Variants in PHEX observed in about 807,000 individuals in gnomAD.
The protein encoded by PHEX is phosphate-regulating neutral endopeptidase PHEX.
PHEX carries 16 observed loss-of-function variants against 68.0 expected under a neutral mutation model. The observed-to-expected ratio is 0.24, with a 90% CI of 0.16 to 0.36. PHEX has a LOEUF of 0.36. Among genes scored for constraint, PHEX ranks in the 10% least tolerant of loss-of-function variants. The pLI is 1.00. For missense variants in PHEX, 480 were observed against 575.5 expected (o/e 0.83, Z 1.70); for synonymous variants, 208 against 205.1 (o/e 1.01, Z -0.12).
chrX:22,197,488 A>C (rs967460213), intron 15 of PHEX, among the ~76,000 whole-genome samples: 2 of 111,168 alleles, frequency 1.8e-5, no homozygotes, highest in Non-Finnish European at 3.8e-5. Context: ...GCTCACACAG[A>C]GATCCACATG....
chrX:22,047,458 T>G (rs1465581131), intron 3 of PHEX, among the ~76,000 whole-genome samples: 1 of 112,516 alleles, frequency 8.9e-6, no homozygotes, highest in Non-Finnish European at 1.9e-5. Context: ...TGCCAAAGGA[T>G]AAAGAGCATT....
At chrX:22,181,917 T>G (rs756632022) in intron 14 of PHEX, among the ~76,000 whole-genome samples, 1 of 112,344 alleles carries the variant, frequency 8.9e-6, no homozygotes, top group East Asian at 2.8e-4. Context: ...GATATTTGTA[T>G]GTTGATTTTG....
intron 20 of PHEX, among the ~76,000 whole-genome samples, chrX:22,234,464 C>T (rs1935890939): frequency 1.8e-5 from 2 of 110,749 alleles, no homozygotes; most frequent in Admixed American, 9.5e-5. Context: ...TAGAGATGCC[C>T]TGCCCAGAGA....
intron 3 of PHEX, among the ~76,000 whole-genome samples, chrX:22,054,009 C>T (rs769518376): frequency 8.9e-6 from 1 of 112,104 alleles, no homozygotes; most frequent in South Asian, 3.7e-4. Context: ...CTGAAAACTT[C>T]AGTTCCTATA....
chrX:22,241,252 G>C (rs1936182071), intron 20 of PHEX, among the ~76,000 whole-genome samples: 1 of 112,080 alleles, frequency 8.9e-6, no homozygotes, highest in African/African-American at 3.2e-5. Flanking sequence ...CAACGTACCT[G>C]AATCTCTGGG....
At chrX:22,156,492 C>G (rs1932956633) in intron 12 of PHEX, among the ~76,000 whole-genome samples, 1 of 107,752 alleles carries the variant, frequency 9.3e-6, no homozygotes, top group East Asian at 3.0e-4. Flanking sequence ...CAAAATAGTC[C>G]TTTGCTACAG....
Position 22,136,940 on chromosome X carries a change from A to T in PHEX, c.1404+3316A>T, listed in dbSNP as rs566994719. Reference sequence around the variant, plus strand: ...TCAAGTGGAAATTTAGTATCGTGAAATAAGCACCGCTTTTTGTTTAGGATT... The same window carrying T: ...TCAAGTGGAAATTTAGTATCGTGAATTAAGCACCGCTTTTTGTTTAGGATT... On this transcript the variant is annotated intron_variant, in intron 12 of 21. Coordinates refer to ENST00000379374, the MANE Select transcript of PHEX (RefSeq NM_000444.6). 4.5e-5 allele frequency among the ~76,000 whole-genome samples: 5 copies of T among 112,251 alleles called. No homozygotes were observed. The South Asian group carries it at 1.5e-3, about 33-fold the overall frequency.
intron 12 of PHEX, among the ~76,000 whole-genome samples, chrX:22,142,072 G>A (rs1400485724): frequency 9.0e-6 from 1 of 111,702 alleles, no homozygotes; most frequent in Non-Finnish European, 1.9e-5. Flanking sequence ...CCAACATGGT[G>A]AAACCCTGTC....
intron 12 of PHEX, among the ~76,000 whole-genome samples, chrX:22,160,265 C>G (rs1241134814): frequency 1.8e-5 from 2 of 111,734 alleles, no homozygotes; most frequent in Non-Finnish European, 3.8e-5. Flanking sequence ...AAAGCATGTG[C>G]AGGCTGGGCA....
rs546469925 is a variant in PHEX, at chrX:22,111,146, G to C, written c.1080-321G>C. ...TTCGAGGATCTGCTGTAATTTGAAG[G>C]TACTCACAATTTCCAGACACGAAAG... On this transcript the variant is annotated intron_variant, in intron 9 of 21. Coordinates refer to ENST00000379374, the MANE Select transcript of PHEX (RefSeq NM_000444.6). Among the ~76,000 whole-genome samples the C allele has an allele frequency of 5.6e-4, 63 of 112,180 alleles. No homozygotes were observed. In the South Asian group the frequency reaches 0.023, roughly 41 times the overall value.
chrX:22,079,356 ACT>A (rs1185325158), intron 5 of PHEX, among the ~76,000 whole-genome samples: 1 of 111,415 alleles, frequency 9.0e-6, no homozygotes, highest in Non-Finnish European at 1.9e-5. Context: ...AGCTTCAACA[ACT>A]CTCAACCTTC....
chrX:22,092,450 G>A (rs905162603), intron 6 of PHEX, among the ~76,000 whole-genome samples: 2 of 111,230 alleles, frequency 1.8e-5, no homozygotes, highest in East Asian at 5.6e-4. Context: ...TCGACTCATT[G>A]CAACCTCTGC....
chrX:22,202,287 A>G (rs1002007104), intron 15 of PHEX, among the ~76,000 whole-genome samples: 2 of 111,785 alleles, frequency 1.8e-5, no homozygotes, highest in African/African-American at 3.3e-5. Flanking sequence ...TTACTTCCCA[A>G]TGGACATTTA....
chrX:22,132,930 A>G (rs998357112), intron 11 of PHEX, among the ~76,000 whole-genome samples: 9 of 109,756 alleles, frequency 8.2e-5, no homozygotes, highest in Non-Finnish European at 1.5e-4. Flanking sequence ...TTTGTTGCCC[A>G]GGCTGGAGTA....
In PHEX at chrX:22,249,714, C is replaced by G. The variant is rs745656887; in HGVS notation, c.*1761C>G. On this transcript the variant is annotated 3_prime_UTR_variant, in exon 22 of 22. Transcript: ENST00000379374. ...TGACCTTAGTTTGTATTTCCAAAAA[C>G]AAGCAGTATTAGGTTGGAATTGTAT... is the stretch of plus-strand genomic sequence containing the variant. 11 of 108,289 alleles carry G rather than the reference C, an allele frequency of 1.0e-4. No individual in the cohort carries two copies. Among genetic ancestry groups the G allele is most frequent in the Admixed American group, 2.0e-4 (2 of 9,968 alleles). The allele number at this position is 108,289 out of a possible 1,213,427, so 8.9% of individuals were successfully genotyped here.
intron 3 of PHEX, among the ~76,000 whole-genome samples, chrX:22,055,966 C>T (rs1928086357): frequency 8.9e-6 from 1 of 112,036 alleles, no homozygotes; most frequent in Admixed American, 9.5e-5. Context: ...ATCTCTTCCC[C>T]TATTGCTTTA....
At chrX:22,233,241 T>C (rs764677424) in intron 20 of PHEX, among the ~76,000 whole-genome samples, 3 of 111,520 alleles carry the variant, frequency 2.7e-5, no homozygotes, top group East Asian at 5.6e-4. Context: ...TCCCCTTAAC[T>C]TTTTTTCCTC....
At chrX:22,217,243 C>G (rs1935124681) in intron 16 of PHEX, among the ~76,000 whole-genome samples, 1 of 112,333 alleles carries the variant, frequency 8.9e-6, no homozygotes. Context: ...TGTAAAATTA[C>G]AAATTTGTCC....
chrX:22,176,398 A>ATAT (rs1556067114), intron 13 of PHEX, among the ~76,000 whole-genome samples: 4 of 68,167 alleles, frequency 5.9e-5, no homozygotes, highest in South Asian at 1.1e-3. Flanking sequence ...AAAAAAAAAA[A>ATAT]AAAAATATAT....
Sources: gnomAD v4.1 joint callset for allele counts (sites outside exome capture counted in the v4.1 genomes callset) on GRCh38, gnomAD v4.1.1 for gene constraint, MANE v1.5 for transcripts, NCBI Gene and HGNC (gene_info 2026-07-23, HGNC 2026-07-21) for gene names.